The following P2RY14 variants were observed in gnomAD, a reference collection of about 807,000 sequenced individuals.
The protein encoded by P2RY14 is P2Y purinoceptor 14.
Under a neutral mutation model 0.9 loss-of-function variants are expected in P2RY14, and 2 were observed. The ratio of observed to expected loss-of-function variants is 2.16; its 90% CI spans 0.88 to 6.79. The LOEUF is 6.79. Ranked by LOEUF, P2RY14 falls within the 30% of genes most tolerant of loss-of-function variation. The probability of loss-of-function intolerance (pLI) is 0.05; values close to 1 mark genes in which losing one functional copy is unlikely to be tolerated. For synonymous variants in P2RY14, 158 were observed against 147.2 expected, an observed-to-expected ratio of 1.07 and a Z score of -0.53; for missense variants, 378 against 400.1, an observed-to-expected ratio of 0.94 and a Z score of 0.47.
chr3:151,258,447 A>G (rs1738239331), intron 1 of P2RY14, among the ~76,000 whole-genome samples: 1 of 152,210 alleles, frequency 6.6e-6, no homozygotes, highest in Non-Finnish European at 1.5e-5. Context: ...ATGAAATGCT[A>G]TCTGAGGCTG....
At chr3:151,270,195 T>C (rs182589950) in intron 1 of P2RY14, 152 of 54,094 alleles carry the variant, frequency 2.8e-3, no homozygotes, top group African/African-American at 0.015. Context: ...GAGCAAGCTG[T>C]CGTGTGTGTG....
At chr3:151,248,100 A>T (rs1736090515) in intron 1 of P2RY14, among the ~76,000 whole-genome samples, 1 of 151,608 alleles carries the variant, frequency 6.6e-6, no homozygotes, top group Non-Finnish European at 1.5e-5. Flanking sequence ...ACACAATAAT[A>T]TTCCTTGTCC....
Position 151,213,291 on chromosome 3 carries a change from G to A in P2RY14, c.*9C>T, listed in dbSNP as rs1559884250. The A allele has an allele frequency of 6.3e-7, 1 of 1,586,424 alleles. No individual in the cohort carries two copies. The highest frequency in any genetic ancestry group is 8.6e-7 in the Non-Finnish European group (1 of 1,167,618). On this transcript the variant is annotated 3_prime_UTR_variant, in exon 3 of 3. Coordinates refer to ENST00000309170, the MANE Select transcript of P2RY14 (RefSeq NM_014879.4). ...CACACGTGGTCTTTCTTTGGAAGAGGGTAGGAACTCACAAAGTATCTGTGC... is the reference window on the plus strand; with the variant it reads ...CACACGTGGTCTTTCTTTGGAAGAGAGTAGGAACTCACAAAGTATCTGTGC...
chr3:151,258,470 A>G (rs1738242820), intron 1 of P2RY14, among the ~76,000 whole-genome samples: 1 of 152,216 alleles, frequency 6.6e-6, no homozygotes, highest in African/African-American at 2.4e-5. Context: ...CCTGGGTTAA[A>G]TTCCAGGGTA....
chr3:151,248,107 G>A (rs920513360), intron 1 of P2RY14, among the ~76,000 whole-genome samples: 5 of 150,438 alleles, frequency 3.3e-5, no homozygotes, highest in African/African-American at 1.2e-4. Context: ...AATATTCCTT[G>A]TCCTTGCCAT....
rs945471241 is a variant in P2RY14, at chr3:151,212,912, A to G, written c.*388T>C. On this transcript the variant is annotated 3_prime_UTR_variant, in exon 3 of 3. Coordinates refer to ENST00000309170, the MANE Select transcript of P2RY14 (RefSeq NM_014879.4). The stretch of plus-strand genomic sequence containing the variant: ...AGTGTTGAAAACAATTACATACTAG[A>G]TTCTGGTATTTAGAGAAAGAAGATG... 6.5e-6 allele frequency: 1 copy of G among 153,944 alleles called. No individual in the cohort carries two copies. The highest frequency in any genetic ancestry group is 1.4e-5 in the Non-Finnish European group (1 of 69,672). The allele number at this position is 153,944 out of a possible 1,614,324, so 9.5% of individuals were successfully genotyped here.
intron 1 of P2RY14, chr3:151,249,104 A>AATATATGC (rs1736347632): frequency 1.3e-5 from 2 of 152,292 alleles, no homozygotes; most frequent in South Asian, 4.1e-4. Context: ...GCCCAGCTCT[A>AATATATGC]ATATATGCTT....
chr3:151,231,162 G>A (rs1162877470), intron 1 of P2RY14, among the ~76,000 whole-genome samples: 1 of 152,184 alleles, frequency 6.6e-6, no homozygotes, highest in African/African-American at 2.4e-5. Context: ...AAAAAGGTAG[G>A]ATGCAAATGA....
At chr3:151,243,430 C>G (rs565105759) in intron 1 of P2RY14, among the ~76,000 whole-genome samples, 2 of 151,886 alleles carry the variant, frequency 1.3e-5, no homozygotes, top group African/African-American at 4.8e-5. Context: ...GGCAGAAACC[C>G]TACAAGCCAG....
intron 1 of P2RY14, among the ~76,000 whole-genome samples, chr3:151,264,214 T>C (rs1480898063): frequency 6.6e-6 from 1 of 152,232 alleles, no homozygotes; most frequent in Non-Finnish European, 1.5e-5. Context: ...TCTTTGAAGG[T>C]TGTGTTTTGA....
intron 1 of P2RY14, among the ~76,000 whole-genome samples, chr3:151,258,851 C>CA (rs63714361): frequency 2.3e-3 from 210 of 89,828 alleles, no homozygotes; most frequent in East Asian, 9.0e-3. Context: ...GATTCTGTCT[C>CA]AAAAAAAAAA....
intron 2 of P2RY14, 85 bp from the exon 3 acceptor site, chr3:151,214,425 T>C: frequency 2.1e-6 from 2 of 938,616 alleles, no homozygotes; most frequent in Admixed American, 2.4e-5. Context: ...GGGCAATGAA[T>C]ATAGTCAAAC....
chr3:151,268,322 AAAAG>A (rs1188402814), intron 1 of P2RY14, among the ~76,000 whole-genome samples: 1 of 152,172 alleles, frequency 6.6e-6, no homozygotes, highest in African/African-American at 2.4e-5. Context: ...TAATTTGTTA[AAAAG>A]AATTCAGTCT....
At chr3:151,218,476 A>G (rs1266540195) in intron 2 of P2RY14, among the ~76,000 whole-genome samples, 3 of 152,204 alleles carry the variant, frequency 2.0e-5, no homozygotes, top group Non-Finnish European at 4.4e-5. Flanking sequence ...GAAAGTTGTC[A>G]TTATGTTAAC....
At chr3:151,247,742 C>T (rs1391106587) in intron 1 of P2RY14, among the ~76,000 whole-genome samples, 2 of 142,136 alleles carry the variant, frequency 1.4e-5, no homozygotes, top group Non-Finnish European at 3.1e-5. Context: ...GCACATGTAC[C>T]CTAAAACTTA....
intron 1 of P2RY14, among the ~76,000 whole-genome samples, chr3:151,277,562 A>G (rs1742105748): frequency 6.6e-6 from 1 of 152,214 alleles, no homozygotes. Flanking sequence ...ATATGTAGAC[A>G]AGATGGATTG....
chr3:151,249,584 T>C (rs1044144355), intron 1 of P2RY14, among the ~76,000 whole-genome samples: 17 of 152,168 alleles, frequency 1.1e-4, no homozygotes, highest in Admixed American at 6.5e-5. Context: ...TCTAGACTTA[T>C]CCTGGTCTAG....
Position 151,213,543 on chromosome 3 carries a change from C to G in P2RY14, c.774G>C (p.Lys258Asn), listed in dbSNP as rs912376640. The G allele has an allele frequency of 6.2e-7, 1 of 1,614,058 alleles. No individual in the cohort carries two copies. The highest frequency in any genetic ancestry group is 8.5e-7 in the Non-Finnish European group (1 of 1,180,030). The change falls in exon 3 of 3, where the codon AAG (lysine) becomes AAC (asparagine). Residue 258 changes from lysine to asparagine, a missense_variant. By Grantham distance (94) the Lys-to-Asn change is moderately conservative (BLOSUM62 0). Coordinates refer to ENST00000309170, the MANE Select transcript of P2RY14 (RefSeq NM_014879.4). ...PYHIARIPYT[K>N]SQTEAHYSCQ... is the part of the protein sequence containing the mutation. ...AGCTGTAATGAGCTTCGGTCTGACT[C>G]TTTGTGTAGGGGATTCTGGCAATAT...
intron 1 of P2RY14, chr3:151,269,442 A>ACACACACAC (rs1559962872): frequency 8.7e-4 from 155 of 178,046 alleles, no homozygotes; most frequent in African/African-American, 6.1e-3. Flanking sequence ...CACACACACA[A>ACACACACAC]AATTCAGAGA....
Sources: allele counts gnomAD v4.1 joint callset (sites outside exome capture counted in the v4.1 genomes callset), GRCh38; gene constraint gnomAD v4.1.1; transcripts MANE v1.5; gene names NCBI Gene and HGNC (gene_info 2026-07-23, HGNC 2026-07-21).